SNX18: variants seen among roughly 807,000 people sequenced by gnomAD.
SNX18 encodes sorting nexin 18, also known as sorting nexin-18.
Under a neutral mutation model 48.7 loss-of-function variants are expected in SNX18, and 35 were observed. That is an observed-to-expected ratio of 0.72 (90% CI 0.55 to 0.95). The LOEUF is 0.95. SNX18 is among the 40% of genes least tolerant of loss of function. The pLI is 0.00. For synonymous variants in SNX18, 492 were observed against 384.7 expected (o/e 1.28, Z -3.26); for missense variants, 824 against 871.0 (o/e 0.95, Z 0.68).
the SNX18 span, among the ~76,000 whole-genome samples, chr5:54,582,721 A>G: frequency 6.6e-6 from 1 of 152,204 alleles, no homozygotes; most frequent in Non-Finnish European, 1.5e-5. Context: ...GAGCTCAAGA[A>G]TTCAAGGCTG....
At chr5:54,541,089 G>A (rs1369305017) in intron 1 of SNX18, among the ~76,000 whole-genome samples, 7 of 151,712 alleles carry the variant, frequency 4.6e-5, no homozygotes, top group African/African-American at 9.7e-5. Flanking sequence ...GTACGGTGGC[G>A]CAATCTCGGC....
the SNX18 span, among the ~76,000 whole-genome samples, chr5:54,640,683 A>G: frequency 6.6e-6 from 1 of 152,172 alleles, no homozygotes; most frequent in Admixed American, 6.5e-5. Context: ...GGGCAACTCA[A>G]AAGAGGGTTC....
In SNX18 at chr5:54,545,917, G is replaced by A. The variant is rs1762570722; in HGVS notation, c.*2485G>A. 6.6e-6 allele frequency: 1 copy of A among 152,116 alleles called. No homozygotes were observed. Among genetic ancestry groups the A allele is most frequent in the Non-Finnish European group, 1.5e-5 (1 of 68,028 alleles). The allele number at this position is 152,116 out of a possible 1,614,324, so 9.4% of individuals were successfully genotyped here. ...GATTTATAATCCTGATATGTGATGT[G>A]TTTGTAACACAGGGTGTGCACTTGA... On this transcript the variant is annotated 3_prime_UTR_variant, in exon 2 of 2. Coordinates refer to ENST00000381410, the MANE Select transcript of SNX18 (RefSeq NM_001102575.2).
chr5:54,576,151 G>A, the SNX18 span, among the ~76,000 whole-genome samples: 8 of 152,306 alleles, frequency 5.3e-5, no homozygotes, highest in African/African-American at 1.9e-4. Context: ...AGACATCTGA[G>A]TGAGTGAGCC....
the SNX18 span, among the ~76,000 whole-genome samples, chr5:54,610,961 C>T: frequency 7.2e-5 from 11 of 152,214 alleles, no homozygotes; most frequent in Non-Finnish European, 1.3e-4. Flanking sequence ...GCTACGTTTA[C>T]AAATGTTTTG....
chr5:54,591,010 C>G, the SNX18 span, among the ~76,000 whole-genome samples: 5 of 152,156 alleles, frequency 3.3e-5, no homozygotes, highest in South Asian at 6.2e-4. Flanking sequence ...CCCATCCCCC[C>G]TCACTTCTCC....
At chr5:54,578,088 G>A in the SNX18 span, among the ~76,000 whole-genome samples, 2 of 152,302 alleles carry the variant, frequency 1.3e-5, no homozygotes, top group Admixed American at 1.3e-4. Context: ...AGCTGTGGAA[G>A]ATTCCAGGCA....
At chr5:54,552,470 G>C in the SNX18 span, among the ~76,000 whole-genome samples, 1 of 152,176 alleles carries the variant, frequency 6.6e-6, no homozygotes, top group African/African-American at 2.4e-5. Flanking sequence ...AACTTTCAAT[G>C]AGACCAGACT....
At chr5:54,547,901 G>A (rs1475342207), downstream of SNX18, among the ~76,000 whole-genome samples, 2 of 152,210 alleles carry the variant, frequency 1.3e-5, no homozygotes, top group Non-Finnish European at 2.9e-5. Flanking sequence ...TCAGGTGAGA[G>A]CAACAGAATT....
chr5:54,630,626 G>T, the SNX18 span, among the ~76,000 whole-genome samples: 3 of 152,172 alleles, frequency 2.0e-5, no homozygotes, highest in African/African-American at 2.4e-5. Context: ...TTGAGGTCAG[G>T]AGTTCAAGAC....
At chr5:54,637,050 A>G in the SNX18 span, among the ~76,000 whole-genome samples, 1 of 152,224 alleles carries the variant, frequency 6.6e-6, no homozygotes, top group African/African-American at 2.4e-5. Flanking sequence ...CAACTTGGTC[A>G]AAGTTTGCAC....
chr5:54,646,626 A>G, the SNX18 span, among the ~76,000 whole-genome samples: 2 of 151,766 alleles, frequency 1.3e-5, no homozygotes, highest in Admixed American at 1.3e-4. Flanking sequence ...GGCCTCCCTC[A>G]TATTGCAATC....
Position 54,534,491 on chromosome 5 carries a change from G to A in SNX18, c.1622-8688G>A, listed in dbSNP as rs529265884. 3.3e-5 allele frequency among the ~76,000 whole-genome samples: 5 copies of A among 152,154 alleles called. No homozygotes were observed. In the South Asian group the frequency reaches 1.0e-3, roughly 32 times the overall value. On this transcript the variant is annotated intron_variant, in intron 1 of 1. Transcript: ENST00000381410. ...GGGAAAACGGTAAGGAGGCCAGACAGCTTCTTTAAAGGGAGGGCAGGGCCT... is the reference window on the plus strand; with the variant it reads ...GGGAAAACGGTAAGGAGGCCAGACAACTTCTTTAAAGGGAGGGCAGGGCCT...
At chr5:54,647,643 C>T in the SNX18 span, among the ~76,000 whole-genome samples, 4 of 152,070 alleles carry the variant, frequency 2.6e-5, no homozygotes, top group Non-Finnish European at 4.4e-5. Flanking sequence ...AAGTCATCAT[C>T]CTGAAGGCTG....
the SNX18 span, among the ~76,000 whole-genome samples, chr5:54,590,326 A>C: frequency 3.9e-5 from 6 of 152,194 alleles, no homozygotes; most frequent in African/African-American, 1.4e-4. Context: ...ATGTAGTTCT[A>C]GACGGGGGGC....
At chr5:54,638,349 C>T in the SNX18 span, among the ~76,000 whole-genome samples, 14 of 152,268 alleles carry the variant, frequency 9.2e-5, no homozygotes, top group Admixed American at 5.2e-4. Flanking sequence ...ATATCCTGAG[C>T]GTATGCTATG....
the SNX18 span, among the ~76,000 whole-genome samples, chr5:54,615,480 C>G: frequency 6.6e-6 from 1 of 152,204 alleles, no homozygotes; most frequent in South Asian, 2.1e-4. Context: ...TACCCTTGCC[C>G]CCTCACTTCC....
At chr5:54,609,218 G>T in the SNX18 span, among the ~76,000 whole-genome samples, 1 of 152,132 alleles carries the variant, frequency 6.6e-6, no homozygotes, top group Non-Finnish European at 1.5e-5. Flanking sequence ...GTGCCACCGA[G>T]GAGCTGAATT....
chr5:54,605,707 T>C, the SNX18 span, among the ~76,000 whole-genome samples: 1 of 152,228 alleles, frequency 6.6e-6, no homozygotes, highest in African/African-American at 2.4e-5. Flanking sequence ...TCACCCAGGC[T>C]GGAGTGCAGT....
Sources: allele counts gnomAD v4.1 joint callset (sites outside exome capture counted in the v4.1 genomes callset), GRCh38; gene constraint gnomAD v4.1.1; transcripts MANE v1.5; gene names NCBI Gene and HGNC (gene_info 2026-07-23, HGNC 2026-07-21).